The following SNX31 variants were observed in gnomAD, a reference collection of about 807,000 sequenced individuals.
The protein encoded by SNX31 is sorting nexin 31.
In SNX31, 58 loss-of-function variants were observed where a neutral mutation model predicts 65.4. The ratio of observed to expected loss-of-function variants is 0.89; its 90% CI spans 0.72 to 1.10. The LOEUF is 1.10. Ranked by LOEUF, SNX31 falls within the 50% of genes least tolerant of loss-of-function variation. SNX31 has a pLI of 0.00. For missense variants in SNX31, 523 were observed against 529.7 expected (o/e 0.99, Z 0.12); for synonymous variants, 181 against 190.1 (o/e 0.95, Z 0.39).
chr8:100,641,566 ATATATATATATATAT>A (rs1563580539), intron 2 of SNX31, among the ~76,000 whole-genome samples: 2 of 19,046 alleles, frequency 1.1e-4, no homozygotes, highest in African/African-American at 3.3e-4. Flanking sequence ...AAAAAAAAAA[ATATATATATATATAT>A]ATATATATAT....
intron 2 of SNX31, among the ~76,000 whole-genome samples, chr8:100,637,242 A>T (rs2173215): frequency 0.29 from 44,070 of 152,136 alleles, 7,636 homozygotes; most frequent in African/African-American, 0.48. Context: ...ATTCCAGCCC[A>T]ACACTTGTAG....
Position 100,584,201 on chromosome 8 carries a change from G to A in SNX31, c.1093-13C>T. ...TCAGCAAAAAAGCCTAAGAAATGCAGGAATAAAGAACTCTTGTAACCGAAG... is the reference window on the plus strand; with the variant it reads ...TCAGCAAAAAAGCCTAAGAAATGCAAGAATAAAGAACTCTTGTAACCGAAG... On this transcript the variant is annotated splice_polypyrimidine_tract_variant and intron_variant, in intron 11 of 13. Coordinates refer to ENST00000311812, the MANE Select transcript of SNX31 (RefSeq NM_152628.4). 6.3e-7 allele frequency: 1 copy of A among 1,586,202 alleles called. No homozygotes were observed. The highest frequency in any genetic ancestry group is 8.6e-7 in the Non-Finnish European group (1 of 1,168,866).
rs879772520 is a variant in SNX31, at chr8:100,613,872, C to G, written c.433-787G>C. ...CAGCCCCTATTTAACACTGGGCTCT[C>G]GAGTAATTTCTTTATACTCCTGGTC... is the stretch of plus-strand genomic sequence containing the variant. On this transcript the variant is annotated intron_variant, in intron 5 of 13. Transcript: ENST00000311812. This position sits in a 1 kb window ranked among gnomAD's most constrained non-coding sequence, Gnocchi z 5.2. 6.6e-6 allele frequency among the ~76,000 whole-genome samples: 1 copy of G among 152,084 alleles called. No homozygotes were observed. The highest frequency in any genetic ancestry group is 2.4e-5 in the African/African-American group (1 of 41,410).
rs1813021546 is a variant in SNX31, at chr8:100,576,045, T to A, written c.1227+974A>T. 6.6e-6 allele frequency among the ~76,000 whole-genome samples: 1 copy of A among 152,114 alleles called. No individual in the cohort carries two copies. Among genetic ancestry groups the A allele is most frequent in the African/African-American group, 2.4e-5 (1 of 41,430 alleles). Reference sequence around the variant, plus strand: ...TATCAGAGTCCCTAATGAAGTTAGGTTTTGGATCTGCCTAATGACACATAG... The same window carrying A: ...TATCAGAGTCCCTAATGAAGTTAGGATTTGGATCTGCCTAATGACACATAG... On this transcript the variant is annotated intron_variant, in intron 13 of 13. Coordinates refer to ENST00000311812, the MANE Select transcript of SNX31 (RefSeq NM_152628.4). This position sits in a 1 kb window ranked among gnomAD's most constrained non-coding sequence, Gnocchi z 4.8.
chr8:100,596,866 G>A (rs535357418), intron 9 of SNX31, 24 bp from the exon 10 acceptor site: 3 of 1,607,236 alleles, frequency 1.9e-6, no homozygotes, highest in Non-Finnish European at 2.6e-6. Flanking sequence ...GGTGATGTGG[G>A]GGGAGGGGAG....
intron 7 of SNX31, 127 bp from the exon 8 acceptor site, chr8:100,608,690 C>T (rs919148000): frequency 1.3e-6 from 1 of 759,704 alleles, no homozygotes; most frequent in South Asian, 1.6e-5. Context: ...AAAGCCACAC[C>T]TCCACTTGCC....
intron 5 of SNX31, among the ~76,000 whole-genome samples, chr8:100,615,981 A>T (rs143354991): frequency 6.6e-6 from 1 of 151,976 alleles, no homozygotes; most frequent in South Asian, 2.1e-4. Context: ...TCACTGTGTT[A>T]GCCAGAATGG....
chr8:100,585,407 GGAGA>G (rs1267481847), intron 11 of SNX31, among the ~76,000 whole-genome samples: 1 of 152,152 alleles, frequency 6.6e-6, no homozygotes, highest in African/African-American at 2.4e-5. Flanking sequence ...GGAGAAGGGA[GGAGA>G]GAGTGAGAGA....
chr8:100,608,594 C>G (rs1437487180), intron 7 of SNX31, 31 bp from the exon 8 acceptor site: 1 of 1,609,422 alleles, frequency 6.2e-7, no homozygotes, highest in Admixed American at 1.7e-5. Context: ...AAATTCATTC[C>G]TGTGACATGG....
chr8:100,573,871 ATCT>A lies in SNX31; in HGVS notation c.1314_1316del (p.Glu438del), dbSNP rs767875315. On this transcript the variant is annotated inframe_deletion, in exon 14 of 14. Transcript: ENST00000311812. The stretch of plus-strand genomic sequence containing the variant: ...TAAAATATGAGAGCTTTCTTCAGAG[ATCT>A]TCTTCCTTTATGTTCCCAAAAACGC... The A allele has an allele frequency of 6.4e-7, 1 of 1,570,782 alleles. No homozygotes were observed. The highest frequency in any genetic ancestry group is 2.3e-5 in the East Asian group (1 of 43,362).
In SNX31 at chr8:100,613,775, G is replaced by A. The variant is rs953520210; in HGVS notation, c.433-690C>T. Among the ~76,000 whole-genome samples the A allele has an allele frequency of 1.3e-5, 2 of 152,090 alleles. No individual in the cohort carries two copies. The highest frequency in any genetic ancestry group is 2.9e-5 in the Non-Finnish European group (2 of 68,026). ...ACCAGGGTGTCACCTCACAGCATTG[G>A]ACATCTACTCACGCTCCCTTAGCAG... On this transcript the variant is annotated intron_variant, in intron 5 of 13. Transcript: ENST00000311812. This position sits in a 1 kb window ranked among gnomAD's most constrained non-coding sequence, Gnocchi z 5.2.
intron 12 of SNX31, among the ~76,000 whole-genome samples, chr8:100,579,773 GCC>G: frequency 6.6e-6 from 1 of 152,212 alleles, no homozygotes; most frequent in South Asian, 2.1e-4. Flanking sequence ...CTTGTTCTTC[GCC>G]ATTTTTGAGG....
chr8:100,632,294 G>A (rs147973598), intron 3 of SNX31, among the ~76,000 whole-genome samples: 1 of 152,250 alleles, frequency 6.6e-6, no homozygotes, highest in Non-Finnish European at 1.5e-5. Context: ...ATTTTGCTAA[G>A]ACACGAGAAA....
rs576602481 is a variant in SNX31 at position 100,578,095 on chromosome 8, G to A, written c.1171-1020C>T. Among the ~76,000 whole-genome samples, 339 of 152,262 alleles carry A rather than the reference G, an allele frequency of 2.2e-3. 3 individuals carry two copies. The highest frequency in any genetic ancestry group is 7.4e-3 in the African/African-American group (308 of 41,548). Reference sequence around the variant, plus strand: ...ACATGTCCTGGGCTGCATGCAGCCCGCAGGCTGTGGGTTGGACAAGCTTGA... The same window carrying A: ...ACATGTCCTGGGCTGCATGCAGCCCACAGGCTGTGGGTTGGACAAGCTTGA... On this transcript the variant is annotated intron_variant, in intron 12 of 13. Coordinates refer to ENST00000311812, the MANE Select transcript of SNX31 (RefSeq NM_152628.4). The surrounding 1 kb of genome is among the most constrained non-coding windows in gnomAD (Gnocchi z 4.7).
At chr8:100,590,924 C>A (rs1029624241) in intron 10 of SNX31, among the ~76,000 whole-genome samples, 1 of 152,164 alleles carries the variant, frequency 6.6e-6, no homozygotes. Flanking sequence ...TCCCAGCTTA[C>A]CACCTGAAGA....
chr8:100,646,798 A>T (rs2131291629), intron 2 of SNX31, among the ~76,000 whole-genome samples: 1 of 152,362 alleles, frequency 6.6e-6, no homozygotes, highest in South Asian at 2.1e-4. Context: ...AAAATACAGT[A>T]AAAGTATGTT....
Position 100,600,345 on chromosome 8 carries a change from T to TTC in SNX31, c.774+3_774+4insGA. The TTC allele has an allele frequency of 6.2e-7, 1 of 1,612,038 alleles. No homozygotes were observed. The highest frequency in any genetic ancestry group is 8.5e-7 in the Non-Finnish European group (1 of 1,178,324). Reference sequence around the variant, plus strand: ...GATTTCTCTTGGAGCAATATTTGATTCACCTTTGTTTGACTGTCTTCTTTC... The same window carrying TTC: ...GATTTCTCTTGGAGCAATATTTGATTTCCACCTTTGTTTGACTGTCTTCTTTC... On this transcript the variant is annotated splice_donor_region_variant and intron_variant, in intron 9 of 13. Coordinates refer to ENST00000311812, the MANE Select transcript of SNX31 (RefSeq NM_152628.4).
intron 4 of SNX31, among the ~76,000 whole-genome samples, chr8:100,624,898 C>A (rs1405939037): frequency 6.6e-6 from 1 of 152,028 alleles, no homozygotes; most frequent in Non-Finnish European, 1.5e-5. Context: ...AAGCTCTGGG[C>A]TCAAGCAATC....
intron 4 of SNX31, among the ~76,000 whole-genome samples, chr8:100,621,775 T>C (rs559457326): frequency 6.6e-6 from 1 of 152,344 alleles, no homozygotes; most frequent in African/African-American, 2.4e-5. Context: ...TCTTTGCCAT[T>C]GGTCAGGATG....
Sources: gnomAD v4.1 joint callset for allele counts (sites outside exome capture counted in the v4.1 genomes callset) on GRCh38, gnomAD v4.1.1 for gene constraint, Gnocchi (gnomAD v3.1) non-coding constraint, MANE v1.5 for transcripts, NCBI Gene and HGNC (gene_info 2026-07-23, HGNC 2026-07-21) for gene names.